HTR4: variants seen among roughly 807,000 people sequenced by gnomAD.
HTR4 encodes the protein 5-hydroxytryptamine receptor 4, also known as 5-hydroxytryptamine (serotonin) receptor 4, G protein-coupled.
HTR4 carries 16 observed loss-of-function variants against 36.8 expected under a neutral mutation model. The ratio of observed to expected loss-of-function variants is 0.43; its 90% CI spans 0.29 to 0.66. The LOEUF is 0.66. Ranked by LOEUF, HTR4 falls within the 30% of genes least tolerant of loss-of-function variation. The pLI is 0.13. For missense variants in HTR4, 438 were observed against 490.9 expected (o/e 0.89, Z 1.02); for synonymous variants, 189 against 185.1 (o/e 1.02, Z -0.17).
intron 2 of HTR4, among the ~76,000 whole-genome samples, chr5:148,558,004 T>A (rs17720660): frequency 0.25 from 37,909 of 151,496 alleles, 5,696 homozygotes; most frequent in Non-Finnish European, 0.34. Flanking sequence ...TCCCACCTGT[T>A]AGGAGTGTCA....
chr5:148,462,881 C>T (rs1755314572), intron 5 of HTR4, among the ~76,000 whole-genome samples: 1 of 151,968 alleles, frequency 6.6e-6, no homozygotes. Context: ...AGTAATCCAT[C>T]ATATCAATAG....
At chr5:148,494,521 T>C (rs1230450907) in intron 6 of HTR4, among the ~76,000 whole-genome samples, 1 of 152,274 alleles carries the variant, frequency 6.6e-6, no homozygotes, top group African/African-American at 2.4e-5. Flanking sequence ...TTCTCCGCTA[T>C]TGATTTCATA....
intron 2 of HTR4, 40 bp downstream of exon 2, chr5:148,636,949 T>G: frequency 7.8e-7 from 1 of 1,281,400 alleles, no homozygotes; most frequent in Non-Finnish European, 1.1e-6. Flanking sequence ...GCAGAAATGT[T>G]CTCAGTTTAC....
downstream of HTR4, among the ~76,000 whole-genome samples, chr5:148,473,026 G>A (rs1581348004): frequency 5.3e-5 from 8 of 152,278 alleles, no homozygotes; most frequent in African/African-American, 9.6e-5. Flanking sequence ...GAGGCTGGGC[G>A]CGGTGGCTTG....
At chr5:148,518,757 C>T (rs932853596) in intron 5 of HTR4, among the ~76,000 whole-genome samples, 1 of 152,150 alleles carries the variant, frequency 6.6e-6, no homozygotes, top group African/African-American at 2.4e-5. Context: ...ACTACCCAAG[C>T]ATGCTCCCAC....
chr5:148,613,282 T>C (rs1333925534), intron 2 of HTR4, among the ~76,000 whole-genome samples: 1 of 130,098 alleles, frequency 7.7e-6, no homozygotes, highest in Non-Finnish European at 1.7e-5. Context: ...AAATCCTCAA[T>C]AAAATACTGG....
Position 148,451,143 on chromosome 5 carries a change from A to G in HTR4, c.*42T>C, listed in dbSNP as rs750944902. The G allele has an allele frequency of 3.1e-6, 5 of 1,612,624 alleles. No homozygotes were observed. In the Admixed American group the frequency reaches 5.0e-5, roughly 16 times the overall value. On this transcript the variant is annotated 3_prime_UTR_variant, in exon 6 of 6. Transcript: ENST00000521530. Reference sequence around the variant, plus strand: ...GCCAGGGTGACCTGTTCATGCAAACATGAATGCGAATGAATGGCTAAGTTG... The same window carrying G: ...GCCAGGGTGACCTGTTCATGCAAACGTGAATGCGAATGAATGGCTAAGTTG...
intron 2 of HTR4, among the ~76,000 whole-genome samples, chr5:148,614,566 A>T (rs932244178): frequency 6.6e-5 from 10 of 152,296 alleles, no homozygotes; most frequent in African/African-American, 2.4e-4. Context: ...TAGACCTAAA[A>T]CCATAAAAAC....
intron 5 of HTR4, among the ~76,000 whole-genome samples, chr5:148,462,519 A>C (rs1333621155): frequency 1.3e-5 from 2 of 152,088 alleles, no homozygotes; most frequent in Non-Finnish European, 1.5e-5. Flanking sequence ...AATTGAATAA[A>C]AATTAATAAC....
downstream of HTR4, among the ~76,000 whole-genome samples, chr5:148,477,079 T>C (rs550659356): frequency 6.6e-5 from 10 of 152,300 alleles, no homozygotes; most frequent in East Asian, 1.9e-4. Flanking sequence ...GGGATTTTGA[T>C]TGGGGAAATG....
intron 6 of HTR4, among the ~76,000 whole-genome samples, chr5:148,502,262 G>C (rs760502795): frequency 3.3e-5 from 5 of 152,140 alleles, no homozygotes; most frequent in Non-Finnish European, 7.4e-5. Context: ...GGGGCAGACT[G>C]ATACCTCACA....
chr5:148,490,346 C>A (rs1756362093), intron 6 of HTR4, among the ~76,000 whole-genome samples: 2 of 152,036 alleles, frequency 1.3e-5, no homozygotes, highest in South Asian at 2.1e-4. Context: ...TTTCTACCAA[C>A]CCCAGATTGC....
At chr5:148,516,059 A>G (rs182097003) in intron 5 of HTR4, among the ~76,000 whole-genome samples, 1 of 150,762 alleles carries the variant, frequency 6.6e-6, no homozygotes, top group Non-Finnish European at 1.5e-5. Context: ...ATATATATAC[A>G]TATATATCAG....
chr5:148,451,113 G>A, exon 6 of HTR4: 5 of 1,604,936 alleles, frequency 3.1e-6, no homozygotes, highest in Non-Finnish European at 4.3e-6. Flanking sequence ...AGGTTCAGAA[G>A]TGATGCCAGG....
At chr5:148,497,425 TTAA>T (rs1271320779) in intron 6 of HTR4, among the ~76,000 whole-genome samples, 1 of 152,196 alleles carries the variant, frequency 6.6e-6, no homozygotes, top group African/African-American at 2.4e-5. Context: ...ATACAGATGG[TTAA>T]TAAATAATGG....
chr5:148,504,556 T>TAG (rs1757093688), intron 6 of HTR4, among the ~76,000 whole-genome samples: 1 of 152,028 alleles, frequency 6.6e-6, no homozygotes, highest in African/African-American at 2.4e-5. Flanking sequence ...GATCTAAAAT[T>TAG]GACACCCTAA....
chr5:148,496,447 T>C (rs1044944010), intron 6 of HTR4, among the ~76,000 whole-genome samples: 1 of 152,042 alleles, frequency 6.6e-6, no homozygotes, highest in African/African-American at 2.4e-5. Flanking sequence ...CCAACAATAA[T>C]ATATACACAG....
intron 2 of HTR4, among the ~76,000 whole-genome samples, chr5:148,605,210 A>G (rs559354701): frequency 4.6e-4 from 64 of 140,630 alleles, no homozygotes; most frequent in African/African-American, 1.5e-3. Context: ...AGTATGTTCA[A>G]TTCTTTCTAT....
intron 4 of HTR4, among the ~76,000 whole-genome samples, chr5:148,538,179 T>C (rs544188324): frequency 6.6e-6 from 1 of 152,140 alleles, no homozygotes; most frequent in East Asian, 1.9e-4. Flanking sequence ...TAAAATTCAA[T>C]AGCTCTTTAT....
Sources: gnomAD v4.1 joint callset for allele counts (sites outside exome capture counted in the v4.1 genomes callset) on GRCh38, gnomAD v4.1.1 for gene constraint, MANE v1.5 for transcripts, NCBI Gene and HGNC (gene_info 2026-07-23, HGNC 2026-07-21) for gene names.